Variants in PLCB4 observed in about 807,000 individuals in gnomAD.
The protein encoded by PLCB4 is 1-phosphatidylinositol 4,5-bisphosphate phosphodiesterase beta-4.
A neutral mutation model predicts 178.8 loss-of-function variants in PLCB4; 77 were observed. That is an observed-to-expected ratio of 0.43 (90% CI 0.36 to 0.52). The LOEUF (loss-of-function observed/expected upper bound fraction) is 0.52. Among genes scored for constraint, PLCB4 ranks in the 20% least tolerant of loss-of-function variants. The pLI, the probability that PLCB4 is intolerant of heterozygous loss-of-function variation, is 0.00. For missense variants in PLCB4, 1,024 were observed against 1,453.4 expected (o/e 0.70, Z 4.80); for synonymous variants, 496 against 490.8 (o/e 1.01, Z -0.14).
Position 9,191,345 on chromosome 20 carries a change from A to ATTTTTTT in PLCB4, c.-78-26023_-78-26017dup, listed in dbSNP as rs71184136. ...AAGGGCTGGAGGGAACTAGATAGGC[A>ATTTTTTT]TTTTTTTTTTTTTTTTTTTTTTTTT... On this transcript the variant is annotated intron_variant, in intron 2 of 39. Transcript: ENST00000378473. Among the ~76,000 whole-genome samples the ATTTTTTT allele has an allele frequency of 3.1e-4, 18 of 58,858 alleles. 1 individual carries two copies. The highest frequency in any genetic ancestry group is 4.4e-4 in the African/African-American group (6 of 13,550). The allele number at this position is 58,858 out of a possible 152,430, so 38.6% of individuals were successfully genotyped here.
intron 2 of PLCB4, among the ~76,000 whole-genome samples, chr20:9,134,965 AGGTAAGCACT>A (rs1445250300): frequency 6.6e-6 from 1 of 152,170 alleles, no homozygotes; most frequent in Non-Finnish European, 1.5e-5. Flanking sequence ...GCCATTGAGT[AGGTAAGCACT>A]GCTGTAGAAT....
intron 19 of PLCB4, among the ~76,000 whole-genome samples, chr20:9,399,245 A>G (rs747967805): frequency 6.6e-6 from 1 of 152,188 alleles, no homozygotes; most frequent in Non-Finnish European, 1.5e-5. Flanking sequence ...TAACCACATG[A>G]TTTAGTATCC....
chr20:9,400,930 G>C (rs1411303955), intron 19 of PLCB4, among the ~76,000 whole-genome samples: 3 of 152,134 alleles, frequency 2.0e-5, no homozygotes, highest in Non-Finnish European at 4.4e-5. Context: ...TGAGCCCTGA[G>C]CCTTTGAAAC....
intron 2 of PLCB4, among the ~76,000 whole-genome samples, chr20:9,118,201 C>G (rs1273660907): frequency 6.8e-6 from 1 of 146,206 alleles, no homozygotes; most frequent in Non-Finnish European, 1.5e-5. Flanking sequence ...AGGTATATCT[C>G]CCAATGCTAT....
chr20:9,203,163 CTCT>C (rs1226812270), intron 2 of PLCB4, among the ~76,000 whole-genome samples: 1 of 150,796 alleles, frequency 6.6e-6, no homozygotes, highest in Non-Finnish European at 1.5e-5. Flanking sequence ...GCTGTACTTA[CTCT>C]TCTTCTGTTC....
chr20:9,385,387 A>T (rs1400202166), intron 14 of PLCB4, among the ~76,000 whole-genome samples: 1 of 151,808 alleles, frequency 6.6e-6, no homozygotes, highest in African/African-American at 2.4e-5. Context: ...CACCTCCCAG[A>T]TGATGGGCGG....
chr20:9,206,299 C>CTTTTTTTTTTTTTT (rs71184138), intron 2 of PLCB4, among the ~76,000 whole-genome samples: 10 of 96,122 alleles, frequency 1.0e-4, no homozygotes, highest in Non-Finnish European at 1.9e-4. Flanking sequence ...TTTCTTTTTT[C>CTTTTTTTTTTTTTT]TTTTTTTTTT....
chr20:9,287,523 C>T (rs551481521), intron 3 of PLCB4, among the ~76,000 whole-genome samples: 1 of 151,930 alleles, frequency 6.6e-6, no homozygotes, highest in African/African-American at 2.4e-5. Context: ...GCAATGATTC[C>T]ATTTTCTTGA....
At chr20:9,187,371 C>A (rs982709131) in intron 2 of PLCB4, among the ~76,000 whole-genome samples, 3 of 152,152 alleles carry the variant, frequency 2.0e-5, no homozygotes, top group Non-Finnish European at 2.9e-5. Context: ...CATTTGCACA[C>A]CCCTGCTGAG....
At chr20:9,470,337 AAAAAG>A (rs371365055) in intron 36 of PLCB4, among the ~76,000 whole-genome samples, 74 of 152,244 alleles carry the variant, frequency 4.9e-4, no homozygotes, top group African/African-American at 1.7e-3. Context: ...TCTCAAAAAA[AAAAAG>A]AAAAGAAAAA....
At chr20:9,157,729 A>C (rs1051372980) in intron 2 of PLCB4, among the ~76,000 whole-genome samples, 4 of 152,294 alleles carry the variant, frequency 2.6e-5, no homozygotes, top group Admixed American at 6.5e-5. Flanking sequence ...GTTTGAGTAT[A>C]TAATTACTCA....
intron 7 of PLCB4, among the ~76,000 whole-genome samples, chr20:9,352,234 G>A (rs1169193566): frequency 6.6e-6 from 1 of 152,204 alleles, no homozygotes; most frequent in Admixed American, 6.5e-5. Context: ...AACATCATGT[G>A]TTGTATATCT....
In PLCB4 at chr20:9,337,160, A is replaced by G; in HGVS notation, c.119A>G (p.Lys40Arg). The G allele has an allele frequency of 6.2e-7, 1 of 1,613,378 alleles. No individual in the cohort carries two copies. The highest frequency in any genetic ancestry group is 8.5e-7 in the Non-Finnish European group (1 of 1,179,458). ...SFVFEPNCLFKVDEFGFFLTW... is the reference protein window; with the variant it reads ...SFVFEPNCLFRVDEFGFFLTW... The stretch of plus-strand genomic sequence containing the variant: ...GTGTTTGAACCCAACTGCCTCTTCA[A>G]AGTGGATGAGTTTGGCTTCTTTCTG... Residue 40 changes from lysine to arginine, a missense_variant, in exon 5 of 40, where the codon AAA becomes AGA. Around this residue, in one of 7 missense-constraint regions of PLCB4, gnomAD observed 225 missense variants for 291.0 expected, o/e 0.77. Coordinates refer to ENST00000378473, the MANE Select transcript of PLCB4 (RefSeq NM_001377142.1).
rs1310137873 is a variant in PLCB4 at position 9,222,083 on chromosome 20, T to C, written c.-16+4631T>C. Among the ~76,000 whole-genome samples the C allele has an allele frequency of 2.3e-5, 3 of 132,258 alleles. 1 individual carries two copies. The South Asian group carries it at 6.6e-4, about 29-fold the overall frequency. The allele number at this position is 132,258 out of a possible 152,430, so 86.8% of individuals were successfully genotyped here. A position where few individuals can be genotyped will look rare whatever the true frequency, so the allele number is the denominator to read the frequency against. Reference sequence around the variant, plus strand: ...TTTATTTTATTTTATTTTATTTTATTTTATTTTATTTTATTTTATTTTATT... The same window carrying C: ...TTTATTTTATTTTATTTTATTTTATCTTATTTTATTTTATTTTATTTTATT... On this transcript the variant is annotated intron_variant, in intron 3 of 39. Coordinates refer to ENST00000378473, the MANE Select transcript of PLCB4 (RefSeq NM_001377142.1).
chr20:9,467,711 G>C (rs896598880), intron 35 of PLCB4, among the ~76,000 whole-genome samples: 18 of 152,152 alleles, frequency 1.2e-4, no homozygotes, highest in Admixed American at 1.2e-3. Flanking sequence ...GTTCCTGCTG[G>C]AGTGGCTCTA....
intron 12 of PLCB4, among the ~76,000 whole-genome samples, chr20:9,377,599 G>A (rs2036782574): frequency 6.6e-6 from 1 of 152,154 alleles, no homozygotes; most frequent in Admixed American, 6.5e-5. Context: ...AAAAACAAAT[G>A]CAATTTCGCA....
At chr20:9,109,842 G>A (rs1304471574) in intron 2 of PLCB4, among the ~76,000 whole-genome samples, 3 of 152,090 alleles carry the variant, frequency 2.0e-5, no homozygotes, top group African/African-American at 7.2e-5. Flanking sequence ...CAAAATCTCA[G>A]TCTTCTGGAA....
chr20:9,447,245 G>T (rs775587794), intron 32 of PLCB4, among the ~76,000 whole-genome samples: 8 of 152,136 alleles, frequency 5.3e-5, no homozygotes, highest in Non-Finnish European at 1.0e-4. Flanking sequence ...CATTTATTTG[G>T]CTCACAATTT....
intron 4 of PLCB4, among the ~76,000 whole-genome samples, chr20:9,310,014 A>G (rs776836732): frequency 1.3e-5 from 2 of 152,236 alleles, no homozygotes; most frequent in African/African-American, 2.4e-5. Context: ...GAGCAAAAAC[A>G]TTTTAACTTT....
Sources: allele counts gnomAD v4.1 joint callset (sites outside exome capture counted in the v4.1 genomes callset), GRCh38; gene constraint gnomAD v4.1.1; regional missense constraint gnomAD v4.1.1; transcripts MANE v1.5; gene names NCBI Gene and HGNC (gene_info 2026-07-23, HGNC 2026-07-21).